GALK2: variants seen among roughly 807,000 people sequenced by gnomAD.
GALK2 encodes N-acetylgalactosamine kinase.
In GALK2, 36 loss-of-function variants were observed where a neutral mutation model predicts 52.4. The ratio of observed to expected loss-of-function variants is 0.69; its 90% CI spans 0.53 to 0.91. The LOEUF is 0.91. Ranked by LOEUF, GALK2 falls within the 40% of genes least tolerant of loss-of-function variation. The pLI is 0.00. For missense variants in GALK2, 579 were observed against 559.1 expected (o/e 1.04, Z -0.36); for synonymous variants, 176 against 199.1 (o/e 0.88, Z 0.98).
At chr15:49,319,553 G>T (rs377026700) in intron 8 of GALK2, 51 bp from the exon 9 acceptor site, 10 of 1,485,870 alleles carry the variant, frequency 6.7e-6, no homozygotes, top group Middle Eastern at 1.9e-4. Context: ...TTTATACTGG[G>T]TTGTCCAGTA....
intron 5 of GALK2, among the ~76,000 whole-genome samples, chr15:49,248,399 C>T (rs903760483): frequency 2.6e-5 from 4 of 152,110 alleles, no homozygotes; most frequent in Admixed American, 1.3e-4. Context: ...TAAACCATTC[C>T]AGCCAGATGT....
intron 3 of GALK2, among the ~76,000 whole-genome samples, chr15:49,228,687 AT>A (rs1174406561): frequency 0.038 from 525 of 13,718 alleles, 22 homozygotes; most frequent in South Asian, 0.049. Flanking sequence ...ATATATATAT[AT>A]TTTTTTTTTT....
At chr15:49,158,781 T>C (rs1195247684) in intron 1 of GALK2, 1 of 152,210 alleles carries the variant, frequency 6.6e-6, no homozygotes, top group East Asian at 1.9e-4. Context: ...GTTAAGCATA[T>C]AGATTTGGAT....
At chr15:49,319,879 T>A in intron 9 of GALK2, 74 bp downstream of exon 9, 1 of 1,270,288 alleles carries the variant, frequency 7.9e-7, no homozygotes, top group South Asian at 1.4e-5. Flanking sequence ...AAATGCAACA[T>A]TTCATAATCT....
chr15:49,180,009 C>A lies in GALK2; in HGVS notation c.53+9634C>A, dbSNP rs529611641. Among the ~76,000 whole-genome samples the A allele has an allele frequency of 2.6e-5, 4 of 152,214 alleles. No individual in the cohort carries two copies. The South Asian group carries it at 8.3e-4, about 32-fold the overall frequency. On this transcript the variant is annotated intron_variant, in intron 1 of 9. Transcript: ENST00000560031. ...CCTTCCTTGTTTCCTTTTATAGCCTCCATGCATTTGAATTTCTAAGGTAGG... is the reference window on the plus strand; with the variant it reads ...CCTTCCTTGTTTCCTTTTATAGCCTACATGCATTTGAATTTCTAAGGTAGG...
intron 8 of GALK2, among the ~76,000 whole-genome samples, chr15:49,301,345 G>C (rs2035094611): frequency 6.6e-6 from 1 of 152,178 alleles, no homozygotes; most frequent in African/African-American, 2.4e-5. Context: ...GAAACTTTTA[G>C]GAATAGTTTC....
At chr15:49,278,164 G>A (rs182025336) in intron 5 of GALK2, among the ~76,000 whole-genome samples, 3,382 of 152,278 alleles carry the variant, frequency 0.022, 94 homozygotes, top group South Asian at 0.076. Flanking sequence ...GGGAGGCTGA[G>A]GCAGGAGAAT....
chr15:49,214,332 C>CTTTTT (rs35359586), intron 2 of GALK2, among the ~76,000 whole-genome samples: 2,378 of 126,602 alleles, frequency 0.019, 100 homozygotes, highest in South Asian at 0.059. Context: ...CACTTTGTCA[C>CTTTTT]TTTTTTTTTT....
intron 5 of GALK2, among the ~76,000 whole-genome samples, chr15:49,263,492 C>T (rs1172215608): frequency 1.6e-3 from 142 of 91,120 alleles, no homozygotes; most frequent in Non-Finnish European, 1.8e-3. Flanking sequence ...TTCCTGAATA[C>T]AGCACACTGA....
At chr15:49,334,091 A>G (rs750686080), downstream of GALK2, 113 of 169,332 alleles carry the variant, frequency 6.7e-4, 2 homozygotes, top group Non-Finnish European at 1.4e-4. Flanking sequence ...TTTTGTGATT[A>G]AAGAAAGTTA....
At chr15:49,197,066 C>T (rs995047746) in intron 1 of GALK2, among the ~76,000 whole-genome samples, 3 of 152,190 alleles carry the variant, frequency 2.0e-5, no homozygotes, top group African/African-American at 7.2e-5. Context: ...TGAACTTTAG[C>T]CTGGGCAACA....
intron 1 of GALK2, chr15:49,194,152 C>T (rs183694389): frequency 6.6e-6 from 1 of 151,944 alleles, no homozygotes; most frequent in East Asian, 2.0e-4. Flanking sequence ...ATGGTGAAAC[C>T]CCATCTCTAC....
intron 3 of GALK2, among the ~76,000 whole-genome samples, chr15:49,222,833 G>C (rs2141411291): frequency 6.6e-6 from 1 of 152,308 alleles, no homozygotes; most frequent in Non-Finnish European, 1.5e-5. Context: ...TGTAAATAGG[G>C]ATCTTGGCCT....
At chr15:49,312,074 G>T (rs954746952) in intron 8 of GALK2, among the ~76,000 whole-genome samples, 1 of 152,066 alleles carries the variant, frequency 6.6e-6, no homozygotes, top group Non-Finnish European at 1.5e-5. Flanking sequence ...ACTGCTCCCT[G>T]CATCCAAGTC....
intron 5 of GALK2, among the ~76,000 whole-genome samples, chr15:49,264,189 C>T (rs2141648069): frequency 6.6e-6 from 1 of 151,890 alleles, no homozygotes; most frequent in African/African-American, 2.4e-5. Context: ...CCATTCTCCC[C>T]ATCACTTTCA....
Position 49,329,082 on chromosome 15 carries a change from C to T in GALK2, c.*923C>T, listed in dbSNP as rs1191465956. ...CAAGAGGCACTTCCAAGAAATTCCA[C>T]ACATTCCTTATATCCCTTTTTTGCT... On this transcript the variant is annotated 3_prime_UTR_variant, in exon 10 of 10. Coordinates refer to ENST00000560031, the MANE Select transcript of GALK2 (RefSeq NM_002044.4). The T allele has an allele frequency of 4.0e-6, 4 of 996,520 alleles. No homozygotes were observed. Among genetic ancestry groups the T allele is most frequent in the Non-Finnish European group, 4.8e-6 (4 of 836,576 alleles). 61.7% of individuals were successfully genotyped at this position (996,520 alleles called of 1,614,324 possible). A position where few individuals can be genotyped will look rare whatever the true frequency, so the allele number is the denominator to read the frequency against.
At chr15:49,309,997 T>A (rs1305393363) in intron 8 of GALK2, among the ~76,000 whole-genome samples, 2 of 152,172 alleles carry the variant, frequency 1.3e-5, no homozygotes, top group Non-Finnish European at 2.9e-5. Context: ...TCCTCCTATC[T>A]AGCTACAATT....
At chr15:49,205,053 G>A (rs2088153225) in intron 2 of GALK2, among the ~76,000 whole-genome samples, 3 of 152,142 alleles carry the variant, frequency 2.0e-5, no homozygotes, top group Non-Finnish European at 4.4e-5. Flanking sequence ...TGGCTGCATA[G>A]TATTCCATTG....
chr15:49,252,880 C>A (rs1399165633), intron 5 of GALK2, among the ~76,000 whole-genome samples: 1 of 144,370 alleles, frequency 6.9e-6, no homozygotes, highest in Non-Finnish European at 1.6e-5. Context: ...ATGGCCATTT[C>A]TTTAATTATT....
Sources: gnomAD v4.1 joint callset for allele counts (sites outside exome capture counted in the v4.1 genomes callset) on GRCh38, gnomAD v4.1.1 for gene constraint, MANE v1.5 for transcripts, NCBI Gene and HGNC (gene_info 2026-07-23, HGNC 2026-07-21) for gene names.